Variants in LRP2 observed in about 807,000 individuals in gnomAD.
The protein encoded by LRP2 is low-density lipoprotein receptor-related protein 2.
A neutral mutation model predicts 531.0 loss-of-function variants in LRP2; 172 were observed. The observed-to-expected ratio is 0.32, with a 90% CI of 0.29 to 0.37. The LOEUF is 0.37. LRP2 is among the 10% of genes least tolerant of loss of function. LRP2 has a pLI of 1.00. For synonymous variants in LRP2, 1,992 were observed against 2,027.6 expected (o/e 0.98, Z 0.47); for missense variants, 5,167 against 5,868.3 (o/e 0.88, Z 3.90).
intron 2 of LRP2, among the ~76,000 whole-genome samples, chr2:169,319,374 T>A (rs1015922836): frequency 6.6e-6 from 1 of 152,202 alleles, no homozygotes; most frequent in South Asian, 2.1e-4. Context: ...GTATGCATCA[T>A]AAAATGGGGA....
intron 31 of LRP2, 124 bp downstream of exon 31, chr2:169,231,590 C>G (rs1370837877): frequency 1.7e-6 from 2 of 1,205,924 alleles, no homozygotes; most frequent in Non-Finnish European, 2.5e-6. Context: ...CATCATTCTG[C>G]AGACACCTGA....
chr2:169,258,275 C>A (rs1690397607), intron 17 of LRP2, among the ~76,000 whole-genome samples: 1 of 152,048 alleles, frequency 6.6e-6, no homozygotes, highest in Admixed American at 6.6e-5. Flanking sequence ...TATCTCACTG[C>A]GCCTTAGATT....
chr2:169,127,119 T>C lies in LRP2; in HGVS notation c.*1544A>G, dbSNP rs1685126690. 1.3e-5 allele frequency: 2 copies of C among 152,622 alleles called. No individual in the cohort carries two copies. The highest frequency in any genetic ancestry group is 4.8e-5 in the African/African-American group (2 of 41,446). 9.5% of individuals were successfully genotyped at this position (152,622 alleles called of 1,614,324 possible). ...AGCACACAGAAAACATCTGATAAAA[T>C]ACACATTTATTAGAACTTTTTCAGC... On this transcript the variant is annotated 3_prime_UTR_variant, in exon 79 of 79. Coordinates refer to ENST00000649046, the MANE Select transcript of LRP2 (RefSeq NM_004525.3).
At chr2:169,327,064 C>T (rs1345091908) in intron 1 of LRP2, among the ~76,000 whole-genome samples, 2 of 151,812 alleles carry the variant, frequency 1.3e-5, no homozygotes, top group African/African-American at 2.4e-5. Flanking sequence ...GCCCGGCAGC[C>T]GCCCAGTCCG....
intron 64 of LRP2, among the ~76,000 whole-genome samples, chr2:169,156,684 C>T (rs1031742492): frequency 3.9e-5 from 6 of 152,174 alleles, no homozygotes; most frequent in African/African-American, 1.4e-4. Context: ...AGGATTTAAA[C>T]TCTATGACTC....
intron 1 of LRP2, among the ~76,000 whole-genome samples, chr2:169,325,102 AT>A (rs1285974198): frequency 2.6e-5 from 4 of 151,838 alleles, no homozygotes; most frequent in Non-Finnish European, 5.9e-5. Flanking sequence ...AGTCATATTA[AT>A]AGCAGTTTCA....
In LRP2 at chr2:169,230,881, A is replaced by G. The variant is rs544561246; in HGVS notation, c.5227+833T>C. On this transcript the variant is annotated intron_variant, in intron 31 of 78. Coordinates refer to ENST00000649046, the MANE Select transcript of LRP2 (RefSeq NM_004525.3). ...ATTAAATTGCTCAGTCACTTGTAAT[A>G]TCTCATACCAACACAATTCTCCTTC... is the stretch of plus-strand genomic sequence containing the variant. Among the ~76,000 whole-genome samples, 71 of 152,348 alleles carry G rather than the reference A, an allele frequency of 4.7e-4. No individual in the cohort carries two copies. The Middle Eastern group carries it at 0.017, about 36-fold the overall frequency.
chr2:169,259,252 G>C, intron 16 of LRP2, 35 bp from the exon 17 acceptor site: 1 of 1,473,466 alleles, frequency 6.8e-7, no homozygotes, highest in South Asian at 1.1e-5. Context: ...TTTAAGCTAA[G>C]TATATTTTGT....
In LRP2 at chr2:169,207,256, G is replaced by A. The variant is rs1688429083; in HGVS notation, c.6470-6C>T. 2 of 1,610,426 alleles carry A rather than the reference G, an allele frequency of 1.2e-6. No individual in the cohort carries two copies. Among genetic ancestry groups the A allele is most frequent in the Non-Finnish European group, 8.5e-7 (1 of 1,176,996 alleles). On this transcript the variant is annotated splice_region_variant and splice_polypyrimidine_tract_variant and intron_variant, in intron 38 of 78. Transcript: ENST00000649046. ...ATTGGTGAAATAAAGATTTCCTATG[G>A]GAAAAATGAAAGTGCATGCTGATCA...
intron 44 of LRP2, among the ~76,000 whole-genome samples, chr2:169,201,243 C>A (rs1167513247): frequency 1.3e-5 from 2 of 151,338 alleles, no homozygotes; most frequent in Admixed American, 6.6e-5. Context: ...TAGATCTCAT[C>A]TGAACCCTAA....
intron 34 of LRP2, among the ~76,000 whole-genome samples, 190 bp downstream of exon 34, chr2:169,220,264 T>C (rs1339692410): frequency 2.0e-5 from 3 of 152,194 alleles, no homozygotes; most frequent in Admixed American, 2.0e-4. Flanking sequence ...TAGGACAAAA[T>C]ACAAACAATA....
At chr2:169,160,734 G>A (rs1196921197) in intron 63 of LRP2, among the ~76,000 whole-genome samples, 1 of 140,742 alleles carries the variant, frequency 7.1e-6, no homozygotes, top group Non-Finnish European at 1.5e-5. Context: ...AGAAAGTACT[G>A]TAGTCTATTT....
chr2:169,188,137 T>C lies in LRP2; in HGVS notation c.9161A>G (p.Asp3054Gly). 1 of 1,614,168 alleles carries C rather than the reference T, an allele frequency of 6.2e-7. No individual in the cohort carries two copies. The change falls in exon 49 of 79, where the codon GAT becomes GGT. Residue 3054 changes from aspartate (D) to glycine (G), a missense_variant. By Grantham distance (94) the Asp-to-Gly change is moderately conservative. This residue lies in a region of LRP2 where 1,129 missense variants were observed against 1,362.7 expected (regional missense o/e 0.83). Transcript: ENST00000649046. ...ATCAGATCCGTCTCCACAGTCATTATCCTCATCACAGACGAAGGTTTTACT... is the reference window on the plus strand; with the variant it reads ...ATCAGATCCGTCTCCACAGTCATTACCCTCATCACAGACGAAGGTTTTACT... ...CISKTFVCDEDNDCGDGSDEL... is the reference protein window; with the variant it reads ...CISKTFVCDEGNDCGDGSDEL...
intron 1 of LRP2, among the ~76,000 whole-genome samples, chr2:169,334,777 A>G: frequency 6.6e-6 from 1 of 152,220 alleles, no homozygotes; most frequent in East Asian, 1.9e-4. Flanking sequence ...AAACTGATAC[A>G]GTATGCAGTT....
intron 33 of LRP2, among the ~76,000 whole-genome samples, chr2:169,221,291 G>A (rs924886162): frequency 3.9e-5 from 6 of 152,128 alleles, no homozygotes; most frequent in African/African-American, 1.4e-4. Flanking sequence ...TGAGGTATTA[G>A]AGCAAGCATT....
chr2:169,149,181 A>T (rs1686033320), intron 68 of LRP2, among the ~76,000 whole-genome samples: 1 of 152,250 alleles, frequency 6.6e-6, no homozygotes, highest in South Asian at 2.1e-4. Flanking sequence ...TGTACAATTC[A>T]AATGAGTTTA....
intron 77 of LRP2, among the ~76,000 whole-genome samples, chr2:169,129,815 G>A (rs1348972074): frequency 2.0e-5 from 3 of 152,190 alleles, no homozygotes; most frequent in Non-Finnish European, 4.4e-5. Context: ...ACCATGGTGC[G>A]TGGCCCACGC....
intron 3 of LRP2, among the ~76,000 whole-genome samples, chr2:169,309,548 A>C (rs1294625885): frequency 6.6e-6 from 1 of 152,066 alleles, no homozygotes; most frequent in Non-Finnish European, 1.5e-5. Flanking sequence ...GTGTGGTATT[A>C]TTTCTGAGGG....
chr2:169,174,060 C>A lies in LRP2; in HGVS notation c.10873G>T (p.Glu3625Ter). The change falls in exon 56 of 79, where the codon GAA (glutamate) becomes TAA (stop). Residue 3625 changes from glutamate to a stop codon, truncating the protein, a stop_gained. Coordinates refer to ENST00000649046, the MANE Select transcript of LRP2 (RefSeq NM_004525.3). LOFTEE classifies it high-confidence loss of function. ...TFNDCEDNSDEDSSHCASRTC... is the reference protein window; with the variant it reads ...TFNDCEDNSD ...CTGCTGGCACAGTGGGAACTGTCTT[C>A]ATCTGAGTTATCCTCACAGTCGTTA... is the stretch of plus-strand genomic sequence containing the variant. 6.2e-7 allele frequency: 1 copy of A among 1,614,208 alleles called. No individual in the cohort carries two copies. The highest frequency in any genetic ancestry group is 1.7e-5 in the Admixed American group (1 of 60,034).
Sources: allele counts gnomAD v4.1 joint callset (sites outside exome capture counted in the v4.1 genomes callset), GRCh38; gene constraint gnomAD v4.1.1; regional missense constraint gnomAD v4.1.1; transcripts MANE v1.5; gene names NCBI Gene and HGNC (gene_info 2026-07-23, HGNC 2026-07-21).